Variants in HSPA4 observed in about 807,000 individuals in gnomAD.
HSPA4 encodes the protein heat shock 70 kDa protein 4.
HSPA4 carries 25 observed loss-of-function variants against 106.2 expected under a neutral mutation model. The ratio of observed to expected loss-of-function variants is 0.24; its 90% CI spans 0.17 to 0.33. The LOEUF (loss-of-function observed/expected upper bound fraction) is 0.33. HSPA4 is among the 10% of genes least tolerant of loss of function. The pLI, the probability that HSPA4 is intolerant of heterozygous loss-of-function variation, is 1.00. For synonymous variants in HSPA4, 332 were observed against 333.6 expected, an observed-to-expected ratio of 1.00 and a Z score of 0.05; for missense variants, 841 against 996.0, an observed-to-expected ratio of 0.84 and a Z score of 2.10.
chr5:133,079,730 C>G (rs1025184254), intron 7 of HSPA4, among the ~76,000 whole-genome samples: 1 of 152,162 alleles, frequency 6.6e-6, no homozygotes, highest in Non-Finnish European at 1.5e-5. Flanking sequence ...CCACCAGCGC[C>G]CTACTGGGTT....
chr5:133,091,115 C>G (rs1765642110), intron 11 of HSPA4, 78 bp from the exon 12 acceptor site: 1 of 1,168,318 alleles, frequency 8.6e-7, no homozygotes, highest in South Asian at 1.2e-5. Context: ...TAGACATAAT[C>G]TAGCAATGTA....
chr5:133,064,103 C>A (rs751401136), intron 1 of HSPA4, among the ~76,000 whole-genome samples: 16 of 152,212 alleles, frequency 1.1e-4, no homozygotes, highest in Non-Finnish European at 2.1e-4. Context: ...AAGCAGGTTT[C>A]AGTTTCGCCT....
chr5:133,074,341 C>T lies in HSPA4; in HGVS notation c.663+215C>T, dbSNP rs191966023. 5.0e-3 allele frequency among the ~76,000 whole-genome samples: 751 copies of T among 150,922 alleles called. 22 individuals carry two copies. The highest frequency in any genetic ancestry group is 0.043 in the Admixed American group (655 of 15,134). ...TTGCCCAGGCTGGAGTGCAATGGCG[C>T]GATCTTGGCTCACCGCAACCTCCAC... On this transcript the variant is annotated intron_variant, in intron 6 of 18. Transcript: ENST00000304858.
At chr5:133,086,280 CT>C (rs1765577613) in intron 7 of HSPA4, among the ~76,000 whole-genome samples, 1 of 151,764 alleles carries the variant, frequency 6.6e-6, no homozygotes, top group African/African-American at 2.4e-5. Flanking sequence ...TTCTTCTTCC[CT>C]TTTGTCATTG....
At chr5:133,075,679 A>G (rs1765438938) in intron 6 of HSPA4, among the ~76,000 whole-genome samples, 1 of 151,894 alleles carries the variant, frequency 6.6e-6, no homozygotes, top group Non-Finnish European at 1.5e-5. Context: ...AAAATACAAA[A>G]ATTAGCTGGA....
intron 7 of HSPA4, among the ~76,000 whole-genome samples, chr5:133,081,009 C>G (rs1168556298): frequency 1.3e-5 from 2 of 152,172 alleles, no homozygotes; most frequent in African/African-American, 4.8e-5. Context: ...CCTCCATACC[C>G]TAGGCAATTA....
intron 14 of HSPA4, among the ~76,000 whole-genome samples, chr5:133,096,899 C>T (rs1765719361): frequency 6.6e-6 from 1 of 152,026 alleles, no homozygotes; most frequent in Non-Finnish European, 1.5e-5. Context: ...TTTTAAATTT[C>T]TCTTGTCTTA....
intron 6 of HSPA4, 124 bp downstream of exon 6, chr5:133,074,250 G>C (rs559167229): frequency 7.6e-5 from 39 of 511,076 alleles, no homozygotes; most frequent in Non-Finnish European, 1.2e-4. Context: ...GGGTTATTCA[G>C]AGGATTTTTT....
intron 17 of HSPA4, among the ~76,000 whole-genome samples, chr5:133,103,063 TC>T (rs1263800720): frequency 7.2e-5 from 11 of 151,988 alleles, no homozygotes; most frequent in South Asian, 2.1e-4. Flanking sequence ...TGTTTTTTTT[TC>T]CTCCTTCTTT....
At chr5:133,088,656 C>T (rs1047879850) in intron 9 of HSPA4, 101 bp downstream of exon 9, 2 of 994,882 alleles carry the variant, frequency 2.0e-6, no homozygotes, top group African/African-American at 1.6e-5. Context: ...AGGGTGACTT[C>T]AGGGTGTTGA....
At chr5:133,068,120 C>T (rs1161992426) in intron 3 of HSPA4, among the ~76,000 whole-genome samples, 1 of 152,056 alleles carries the variant, frequency 6.6e-6, no homozygotes, top group East Asian at 1.9e-4. Context: ...TCTCGAACTC[C>T]TGACCTTGTG....
intron 1 of HSPA4, among the ~76,000 whole-genome samples, chr5:133,058,493 C>G (rs1765195697): frequency 6.6e-6 from 1 of 150,594 alleles, no homozygotes; most frequent in Admixed American, 6.6e-5. Flanking sequence ...GCCTGGCCAA[C>G]CCGGTGAAAC....
At chr5:133,103,823 T>C in intron 17 of HSPA4, 42 bp from the exon 18 acceptor site, 1 of 1,547,870 alleles carries the variant, frequency 6.5e-7, no homozygotes, top group Middle Eastern at 1.7e-4. Flanking sequence ...GGAGGGAGGG[T>C]ATCACACTTT....
Position 133,086,803 on chromosome 5 carries a change from C to T in HSPA4, c.930C>T (p.Cys310=). 2 of 1,613,290 alleles carry T rather than the reference C, an allele frequency of 1.2e-6. No homozygotes were observed. The highest frequency in any genetic ancestry group is 1.7e-6 in the Non-Finnish European group (2 of 1,179,478). Residue 310 remains cysteine, a synonymous_variant, in exon 8 of 19, where the codon TGC becomes TGT. Coordinates refer to ENST00000304858, the MANE Select transcript of HSPA4 (RefSeq NM_002154.4). ...ATAGAGGCAAATTTCTGGAGATGTGCAATGATCTCTTAGCTAGAGTGGAGC... is the reference window on the plus strand; with the variant it reads ...ATAGAGGCAAATTTCTGGAGATGTGTAATGATCTCTTAGCTAGAGTGGAGC... The part of the protein sequence containing the change: ...TMNRGKFLEM[C]NDLLARVEPP...
intron 1 of HSPA4, among the ~76,000 whole-genome samples, chr5:133,061,408 C>T (rs1304495016): frequency 6.8e-6 from 1 of 147,430 alleles, no homozygotes; most frequent in Non-Finnish European, 1.5e-5. Flanking sequence ...AGGTGTGAGC[C>T]ACCGCGCCCG....
intron 1 of HSPA4, among the ~76,000 whole-genome samples, chr5:133,053,992 A>G (rs1765126240): frequency 1.3e-5 from 2 of 151,684 alleles, no homozygotes; most frequent in South Asian, 2.1e-4. Context: ...CATTATTTTC[A>G]CCCTCAATTT....
At chr5:133,070,554 G>A in intron 4 of HSPA4, 58 bp downstream of exon 4, 2 of 1,581,618 alleles carry the variant, frequency 1.3e-6, no homozygotes, top group Non-Finnish European at 1.7e-6. Context: ...AGAGAAGAAA[G>A]CTGCTAATTT....
chr5:133,061,757 C>T (rs1461732715), intron 1 of HSPA4, among the ~76,000 whole-genome samples: 1 of 151,786 alleles, frequency 6.6e-6, no homozygotes, highest in Non-Finnish European at 1.5e-5. Context: ...GTAGCTGGGA[C>T]TACAGGCGTG....
Position 133,092,683 on chromosome 5 carries a change from T to C in HSPA4, c.1561-17T>C. The C allele has an allele frequency of 6.4e-7, 1 of 1,570,338 alleles. No individual in the cohort carries two copies. The highest frequency in any genetic ancestry group is 8.8e-7 in the Non-Finnish European group (1 of 1,140,570). On this transcript the variant is annotated splice_polypyrimidine_tract_variant and intron_variant, in intron 12 of 18. Coordinates refer to ENST00000304858, the MANE Select transcript of HSPA4 (RefSeq NM_002154.4). The stretch of plus-strand genomic sequence containing the variant: ...TAGTCTTCCTAATTGCAGGATTTAA[T>C]TTGACCTGTTTTTCAGAAGATGCAA...
Sources: allele counts gnomAD v4.1 joint callset (sites outside exome capture counted in the v4.1 genomes callset), GRCh38; gene constraint gnomAD v4.1.1; transcripts MANE v1.5; gene names NCBI Gene and HGNC (gene_info 2026-07-23, HGNC 2026-07-21).